Variants in ATP11A observed in about 807,000 individuals in gnomAD.
ATP11A encodes the protein ATPase phospholipid transporting 11A.
Under a neutral mutation model 154.4 loss-of-function variants are expected in ATP11A, and 81 were observed. The ratio of observed to expected loss-of-function variants is 0.52; its 90% CI spans 0.44 to 0.63. The LOEUF (loss-of-function observed/expected upper bound fraction) is 0.63, where lower values mean the gene tolerates loss of function less well. Ranked by LOEUF, ATP11A falls within the 30% of genes least tolerant of loss-of-function variation. The pLI is 0.00. For missense variants in ATP11A, 1,316 were observed against 1,474.3 expected (o/e 0.89, Z 1.76); for synonymous variants, 623 against 585.9 (o/e 1.06, Z -0.91).
Position 112,807,933 on chromosome 13 carries a change from A to C in ATP11A, c.333+1640A>C, listed in dbSNP as rs142462272. ...GGAGGCAGGCGTAGCACTGTTCTTCAGCGTCCTCTTCTCTGCATTTGTTAA... is the reference window on the plus strand; with the variant it reads ...GGAGGCAGGCGTAGCACTGTTCTTCCGCGTCCTCTTCTCTGCATTTGTTAA... On this transcript the variant is annotated intron_variant, in intron 4 of 29. Transcript: ENST00000375645. The surrounding 1 kb of genome is among the most constrained non-coding windows in gnomAD (Gnocchi z 4.5). Among the ~76,000 whole-genome samples, 863 of 152,168 alleles carry C rather than the reference A, an allele frequency of 5.7e-3. 8 individuals are homozygous for C. Among genetic ancestry groups the C allele is most frequent in the Middle Eastern group, 0.014 (4 of 292 alleles).
At chr13:112,703,388 G>A (rs1594340810) in intron 1 of ATP11A, 1 of 152,320 alleles carries the variant, frequency 6.6e-6, no homozygotes, top group South Asian at 2.1e-4. Context: ...ATCACATTAG[G>A]GGTTAGGGCT....
At chr13:112,803,857 CTTT>C (rs2078218864) in intron 2 of ATP11A, among the ~76,000 whole-genome samples, 4 of 108,450 alleles carry the variant, frequency 3.7e-5, no homozygotes, top group Non-Finnish European at 8.0e-5. Flanking sequence ...CCTTCCCCTC[CTTT>C]TCCTCCTTGC....
chr13:112,730,121 G>A (rs191638220), intron 1 of ATP11A, among the ~76,000 whole-genome samples: 2 of 152,290 alleles, frequency 1.3e-5, no homozygotes, highest in African/African-American at 4.8e-5. Context: ...GGAACCCTTC[G>A]CAGCGGCCCA....
Position 112,697,453 on chromosome 13 carries a change from T to C in ATP11A, c.39+6998T>C, listed in dbSNP as rs1352827290. 6.6e-6 allele frequency among the ~76,000 whole-genome samples: 1 copy of C among 151,946 alleles called. No individual in the cohort carries two copies. The highest frequency in any genetic ancestry group is 1.5e-5 in the Non-Finnish European group (1 of 67,994). ...AATCAGAGTGATGAAGAGGTTGCCA[T>C]TGGCAATTCGGAAGGGAATTCAGGG... On this transcript the variant is annotated intron_variant, in intron 1 of 29. Transcript: ENST00000375645. The surrounding 1 kb of genome is among the most constrained non-coding windows in gnomAD (Gnocchi z 4.0).
Position 112,884,879 on chromosome 13 carries a change from G to C in ATP11A, c.*3013G>C, listed in dbSNP as rs1446700758. The C allele has an allele frequency of 2.0e-5, 3 of 151,668 alleles. No homozygotes were observed. Among genetic ancestry groups the C allele is most frequent in the East Asian group, 1.9e-4 (1 of 5,140 alleles). 9.4% of individuals were successfully genotyped at this position (151,668 alleles called of 1,614,324 possible). ...TGATTCACACCCAGTCCCTGCCACA[G>C]ACCGTCTCAGACACGCACAGTGGGC... On this transcript the variant is annotated 3_prime_UTR_variant, in exon 30 of 30. Transcript: ENST00000375645.
intron 5 of ATP11A, 104 bp from the exon 6 acceptor site, chr13:112,815,979 C>G (rs1379039378): frequency 6.7e-7 from 1 of 1,502,476 alleles, no homozygotes; most frequent in African/African-American, 1.4e-5. Flanking sequence ...ATCCCCGTGT[C>G]TTCCTGTGAA....
intron 17 of ATP11A, among the ~76,000 whole-genome samples, chr13:112,846,717 G>A (rs2079620123): frequency 6.6e-6 from 1 of 152,242 alleles, no homozygotes; most frequent in Admixed American, 6.5e-5. Context: ...ATGCCTGCCT[G>A]TGGGCTTTGT....
In ATP11A at chr13:112,807,875, C is replaced by T. The variant is rs377313259; in HGVS notation, c.333+1582C>T. ...GGGGGTGCAGAACAAGGGGCTGAGG[C>T]TCTATGGCTCTGTTCTTTCCAGCCT... On this transcript the variant is annotated intron_variant, in intron 4 of 29. Transcript: ENST00000375645. The surrounding 1 kb of genome is among the most constrained non-coding windows in gnomAD (Gnocchi z 4.5). Among the ~76,000 whole-genome samples, 725 of 152,230 alleles carry T rather than the reference C, an allele frequency of 4.8e-3. 4 individuals carry two copies. Among genetic ancestry groups the T allele is most frequent in the Middle Eastern group, 0.01 (3 of 294 alleles).
Position 112,832,653 on chromosome 13 carries a change from G to A in ATP11A, c.1396-207G>A, listed in dbSNP as rs1036107044. Among the ~76,000 whole-genome samples the A allele has an allele frequency of 9.2e-5, 14 of 152,138 alleles. No homozygotes were observed. In the South Asian group the frequency reaches 1.2e-3, roughly 14 times the overall value. Reference sequence around the variant, plus strand: ...CACGCCCGTTTAGCCTTCCTCACCCGTCAGTCTCAATTACAAAACAGAGTG... The same window carrying A: ...CACGCCCGTTTAGCCTTCCTCACCCATCAGTCTCAATTACAAAACAGAGTG... On this transcript the variant is annotated intron_variant, in intron 13 of 29. Transcript: ENST00000375645.
In ATP11A at chr13:112,819,977, C is replaced by T. The variant is rs371979747; in HGVS notation, c.725+27C>T. On this transcript the variant is annotated intron_variant, in intron 8 of 29. Transcript: ENST00000375645. Reference sequence around the variant, plus strand: ...TGAGTGCCTCTGCGGATGCCTTGGCCACGGTCACCTCCCTTGTTGCGTTAG... The same window carrying T: ...TGAGTGCCTCTGCGGATGCCTTGGCTACGGTCACCTCCCTTGTTGCGTTAG... 146 of 1,562,560 alleles carry T rather than the reference C, an allele frequency of 9.3e-5. No homozygotes were observed. In the African/African-American group the frequency reaches 1.9e-3, roughly 20 times the overall value.
chr13:112,802,552 CAAAA>C (rs35889771), intron 2 of ATP11A, among the ~76,000 whole-genome samples: 30 of 80,934 alleles, frequency 3.7e-4, no homozygotes, highest in East Asian at 1.8e-3. Context: ...ACTGGACATG[CAAAA>C]AAAAAAAAAA....
chr13:112,720,965 G>T (rs549062168), intron 1 of ATP11A, among the ~76,000 whole-genome samples: 32 of 152,270 alleles, frequency 2.1e-4, no homozygotes, highest in Non-Finnish European at 4.0e-4. Context: ...GCCAAGAGGG[G>T]TCCATTCTGT....
At chr13:112,816,501 C>G (rs1352428715) in intron 6 of ATP11A, among the ~76,000 whole-genome samples, 1 of 152,110 alleles carries the variant, frequency 6.6e-6, no homozygotes, top group African/African-American at 2.4e-5. Flanking sequence ...CAAATTAACA[C>G]ACCCACATCT....
intron 1 of ATP11A, among the ~76,000 whole-genome samples, chr13:112,770,103 G>A (rs563995699): frequency 2.0e-5 from 3 of 152,260 alleles, no homozygotes; most frequent in South Asian, 4.1e-4. Flanking sequence ...TCTGTGTCTC[G>A]ACTCTTAGGA....
rs769751448 is a variant in ATP11A, at chr13:112,832,990, C to T, written c.1526C>T (p.Pro509Leu). Residue 509 changes from proline to leucine, a missense_variant, in exon 14 of 30, where the codon CCC (proline) becomes CTC (leucine). Around this residue, in one of 5 missense-constraint regions of ATP11A, gnomAD observed 876 missense variants for 1,006.8 expected, o/e 0.87. Transcript: ENST00000375645. ...TCCTGTGTGTACATCTCATCCTCGC[C>T]CGACGAGGTGGCGCTGGTCGAAGGT... ...GKSCVYISSS[P>L]DEVALVEGVQ... 1 of 1,613,418 alleles carries T rather than the reference C, an allele frequency of 6.2e-7. No homozygotes were observed. Among genetic ancestry groups the T allele is most frequent in the Non-Finnish European group, 8.5e-7 (1 of 1,179,828 alleles).
chr13:112,796,774 G>A (rs369808442), intron 2 of ATP11A, among the ~76,000 whole-genome samples: 18 of 152,302 alleles, frequency 1.2e-4, no homozygotes, highest in African/African-American at 4.1e-4. Flanking sequence ...CAAAGGACCC[G>A]TGACCTTGAG....
At chr13:112,762,069 C>T (rs2076976144) in intron 1 of ATP11A, among the ~76,000 whole-genome samples, 1 of 152,178 alleles carries the variant, frequency 6.6e-6, no homozygotes, top group Non-Finnish European at 1.5e-5. Flanking sequence ...AAGACAGTCC[C>T]TGTTATCAAG....
At chr13:112,729,926 G>T (rs1185736731) in intron 1 of ATP11A, among the ~76,000 whole-genome samples, 2 of 152,258 alleles carry the variant, frequency 1.3e-5, no homozygotes, top group Non-Finnish European at 2.9e-5. Flanking sequence ...CCAGGGCTTA[G>T]ATGTAACAGT....
chr13:112,735,825 C>T (rs1410520751), intron 1 of ATP11A, among the ~76,000 whole-genome samples: 2 of 152,234 alleles, frequency 1.3e-5, no homozygotes, highest in African/African-American at 4.8e-5. Flanking sequence ...CCAAACCTTT[C>T]AGCAGTCGCT....
Sources: gnomAD v4.1 joint callset for allele counts (sites outside exome capture counted in the v4.1 genomes callset) on GRCh38, gnomAD v4.1.1 for gene constraint, gnomAD v4.1.1 regional missense constraint, Gnocchi (gnomAD v3.1) non-coding constraint, MANE v1.5 for transcripts, NCBI Gene and HGNC (gene_info 2026-07-23, HGNC 2026-07-21) for gene names.